PDE7B: variants seen among roughly 807,000 people sequenced by gnomAD.
PDE7B encodes 3',5'-cyclic-AMP phosphodiesterase 7B.
In PDE7B, 29 loss-of-function variants were observed where a neutral mutation model predicts 56.2. The ratio of observed to expected loss-of-function variants is 0.52; its 90% CI spans 0.38 to 0.70. The LOEUF is 0.70. Among genes scored for constraint, PDE7B ranks in the 30% least tolerant of loss-of-function variants. PDE7B has a pLI of 0.00. For synonymous variants in PDE7B, 197 were observed against 196.9 expected (o/e 1.00, Z 0.00); for missense variants, 490 against 565.0 (o/e 0.87, Z 1.35).
intron 7 of PDE7B, 130 bp from the exon 8 acceptor site, chr6:136,155,496 CA>C (rs1222887361): frequency 2.7e-6 from 2 of 736,476 alleles, no homozygotes; most frequent in Non-Finnish European, 4.5e-6. Context: ...TTTAATGCTT[CA>C]AAGGGTAAAG....
At chr6:136,073,427 C>G (rs1777080812) in intron 2 of PDE7B, among the ~76,000 whole-genome samples, 1 of 152,194 alleles carries the variant, frequency 6.6e-6, no homozygotes, top group African/African-American at 2.4e-5. Context: ...ATGGCTTAAA[C>G]AACAGAAACT....
chr6:135,950,786 G>A (rs1774685955), intron 2 of PDE7B, among the ~76,000 whole-genome samples: 7 of 152,142 alleles, frequency 4.6e-5, no homozygotes, highest in Admixed American at 4.6e-4. Flanking sequence ...ATATCATTCT[G>A]AAAAGTACTG....
chr6:136,006,791 C>G (rs1396481136), intron 2 of PDE7B, among the ~76,000 whole-genome samples: 1 of 152,140 alleles, frequency 6.6e-6, no homozygotes, highest in East Asian at 1.9e-4. Context: ...AGTTGTTTAT[C>G]AGCTGAAGGA....
chr6:136,105,952 G>A lies in PDE7B; in HGVS notation c.83-2779G>A, dbSNP rs185055288. Among the ~76,000 whole-genome samples the A allele has an allele frequency of 4.6e-5, 7 of 152,336 alleles. No individual in the cohort carries two copies. In the South Asian group the frequency reaches 1.2e-3, roughly 27 times the overall value. ...ACACAGTGATTTCCAAAAGGTGAGC[G>A]TGAAAGTGCTGGAAGGAGCCCATGA... On this transcript the variant is annotated intron_variant, in intron 2 of 12. Coordinates refer to ENST00000308191, the MANE Select transcript of PDE7B (RefSeq NM_018945.4).
intron 2 of PDE7B, among the ~76,000 whole-genome samples, chr6:136,059,517 C>T (rs114865401): frequency 2.1e-3 from 320 of 152,274 alleles, no homozygotes; most frequent in African/African-American, 7.0e-3. Flanking sequence ...AAGGCACAGT[C>T]GCTTGAAACA....
intron 2 of PDE7B, among the ~76,000 whole-genome samples, chr6:135,983,386 A>G (rs1775327243): frequency 6.6e-6 from 1 of 152,222 alleles, no homozygotes; most frequent in Admixed American, 6.6e-5. Context: ...TCTACATTCA[A>G]AATTACATTT....
At chr6:135,929,549 A>C (rs2128196778) in intron 1 of PDE7B, among the ~76,000 whole-genome samples, 1 of 152,330 alleles carries the variant, frequency 6.6e-6, no homozygotes, top group South Asian at 2.1e-4. Flanking sequence ...ATGTTACTAA[A>C]TTAACTTCAC....
In PDE7B at chr6:136,191,733, C is replaced by T. The variant is rs142215721; in HGVS notation, c.1246C>T (p.Leu416=). Residue 416 remains leucine, a synonymous_variant, in exon 13 of 13, where the codon CTG becomes TTG. Transcript: ENST00000308191. ...ACACAACAAGGCCCAGTGGAAGAGC[C>T]TGTTGCCCAGGCAGCACAGAAGCAG... ...LAHNKAQWKS[L]LPRQHRSRGS... is the part of the protein sequence containing the mutation. 3.3e-4 allele frequency: 530 copies of T among 1,609,046 alleles called. 1 individual carries two copies. Among genetic ancestry groups the T allele is most frequent in the Non-Finnish European group, 4.4e-4 (517 of 1,177,848 alleles).
At chr6:136,106,289 G>A (rs1369405990) in intron 2 of PDE7B, among the ~76,000 whole-genome samples, 1 of 152,246 alleles carries the variant, frequency 6.6e-6, no homozygotes, top group South Asian at 2.1e-4. Context: ...TTAACATGCT[G>A]TATTTTCTCA....
chr6:136,032,437 A>G (rs548292063), intron 2 of PDE7B, among the ~76,000 whole-genome samples: 4 of 152,310 alleles, frequency 2.6e-5, no homozygotes, highest in African/African-American at 9.6e-5. Flanking sequence ...TGCACTTACA[A>G]AGAATATTTA....
Position 135,999,771 on chromosome 6 carries a change from A to G in PDE7B, c.82+52247A>G, listed in dbSNP as rs145084741. 4.4e-3 allele frequency among the ~76,000 whole-genome samples: 665 copies of G among 152,276 alleles called. 7 individuals are homozygous for G. Among genetic ancestry groups the G allele is most frequent in the African/African-American group, 0.015 (627 of 41,548 alleles). ...TAAAATGATTTACATTGCTCTGGGT[A>G]TATAGCCAGTAATGAGATTGCTGGG... On this transcript the variant is annotated intron_variant, in intron 2 of 12. Coordinates refer to ENST00000308191, the MANE Select transcript of PDE7B (RefSeq NM_018945.4).
At chr6:135,961,281 ATGTGTG>A (rs771473679) in intron 2 of PDE7B, among the ~76,000 whole-genome samples, 37 of 89,518 alleles carry the variant, frequency 4.1e-4, no homozygotes, top group South Asian at 2.4e-3. Flanking sequence ...GTGTGTGTGT[ATGTGTG>A]TGTGTGTGTG....
chr6:135,919,168 T>C (rs898134982), intron 1 of PDE7B, among the ~76,000 whole-genome samples: 12 of 152,182 alleles, frequency 7.9e-5, no homozygotes, highest in Non-Finnish European at 1.6e-4. Context: ...CTGGCTATAA[T>C]AGGCAGAGAG....
In PDE7B at chr6:135,896,904, A is replaced by G. The variant is rs370671076; in HGVS notation, c.21+44885A>G. ...AAATACTTGTTGTCCACCATCCCCCATCTCTTCAGTGTGTTTATTTATGCT... is the reference window on the plus strand; with the variant it reads ...AAATACTTGTTGTCCACCATCCCCCGTCTCTTCAGTGTGTTTATTTATGCT... On this transcript the variant is annotated intron_variant, in intron 1 of 12. Transcript: ENST00000308191. 2.9e-3 allele frequency among the ~76,000 whole-genome samples: 446 copies of G among 151,922 alleles called. 2 individuals are homozygous for G. The highest frequency in any genetic ancestry group is 0.014 in the South Asian group (69 of 4,812).
At chr6:136,042,575 C>T (rs1420526174) in intron 2 of PDE7B, among the ~76,000 whole-genome samples, 1 of 152,146 alleles carries the variant, frequency 6.6e-6, no homozygotes, top group Non-Finnish European at 1.5e-5. Flanking sequence ...CTCATCTTCC[C>T]CATAGCCATT....
chr6:135,923,421 T>C (rs1427507137), intron 1 of PDE7B, among the ~76,000 whole-genome samples: 1 of 152,186 alleles, frequency 6.6e-6, no homozygotes, highest in African/African-American at 2.4e-5. Flanking sequence ...ATATTAAAAA[T>C]ATGTAAAATT....
intron 8 of PDE7B, among the ~76,000 whole-genome samples, chr6:136,158,121 A>G (rs2128448179): frequency 6.6e-6 from 1 of 152,322 alleles, no homozygotes; most frequent in East Asian, 1.9e-4. Flanking sequence ...GAGCAAACCC[A>G]TTAACGACAC....
intron 8 of PDE7B, among the ~76,000 whole-genome samples, chr6:136,159,832 A>G (rs1342448110): frequency 1.3e-5 from 2 of 152,218 alleles, no homozygotes; most frequent in African/African-American, 4.8e-5. Flanking sequence ...GAAAGTGTCC[A>G]ACAAATAGAG....
At chr6:135,931,894 G>T in intron 1 of PDE7B, among the ~76,000 whole-genome samples, 1 of 151,876 alleles carries the variant, frequency 6.6e-6, no homozygotes, top group Middle Eastern at 3.4e-3. Flanking sequence ...ATGAGGTGGC[G>T]GGAGTGGGGA....
Sources: gnomAD v4.1 joint callset for allele counts (sites outside exome capture counted in the v4.1 genomes callset) on GRCh38, gnomAD v4.1.1 for gene constraint, MANE v1.5 for transcripts, NCBI Gene and HGNC (gene_info 2026-07-23, HGNC 2026-07-21) for gene names.